Variants in LAMA5 observed in about 807,000 individuals in gnomAD.
LAMA5 encodes the protein laminin subunit alpha-5.
Under a neutral mutation model 433.4 loss-of-function variants are expected in LAMA5, and 260 were observed. The observed-to-expected ratio is 0.60, with a 90% CI of 0.54 to 0.66. The LOEUF is 0.66. Among genes scored for constraint, LAMA5 ranks in the 30% least tolerant of loss-of-function variants. The probability of loss-of-function intolerance (pLI) is 0.00; values close to 1 mark genes in which losing one functional copy is unlikely to be tolerated. For synonymous variants in LAMA5, 2,620 were observed against 2,226.6 expected, an observed-to-expected ratio of 1.18 and a Z score of -4.97; for missense variants, 5,378 against 5,258.5, an observed-to-expected ratio of 1.02 and a Z score of -0.70.
intron 48 of LAMA5, 57 bp downstream of exon 48, chr20:62,321,962 G>A (rs1987863015): frequency 6.5e-7 from 1 of 1,534,736 alleles, no homozygotes; most frequent in East Asian, 2.2e-5. Flanking sequence ...ACCAGGCTGT[G>A]TGGGACTTGG....
At position 62,318,887 on chromosome 20, in the gene LAMA5, G is replaced by A. The variant is rs1175831112; in HGVS notation, c.6998C>T (p.Ala2333Val). Residue 2333 changes from alanine to valine, a missense_variant, in exon 52 of 80, where the codon GCC becomes GTC. Transcript: ENST00000252999. ...LWEMRARDLGAPQAAAEAELA... is the reference protein window; with the variant it reads ...LWEMRARDLGVPQAAAEAELA... ...CTCAGCCTCAGCTGCTGCCTGCGGG[G>A]CCCCCAGGTCCCGGGCCCGCATCTC... is the stretch of plus-strand genomic sequence containing the variant. 1 of 1,608,166 alleles carries A rather than the reference G, an allele frequency of 6.2e-7. No homozygotes were observed. The highest frequency in any genetic ancestry group is 8.5e-7 in the Non-Finnish European group (1 of 1,178,888).
intron 2 of LAMA5, among the ~76,000 whole-genome samples, chr20:62,360,869 G>C (rs139314937): frequency 6.6e-5 from 10 of 152,078 alleles, no homozygotes; most frequent in Non-Finnish European, 1.2e-4. Context: ...CACCGAGGCC[G>C]AGAGAGCCCC....
chr20:62,345,540 C>A (rs745877374), intron 11 of LAMA5: 2 of 574,276 alleles, frequency 3.5e-6, no homozygotes, highest in Non-Finnish European at 6.5e-6. Context: ...CGGAGTAGCT[C>A]GAACTACAGG....
intron 57 of LAMA5, 100 bp downstream of exon 57, chr20:62,316,571 A>T (rs1296615768): frequency 2.3e-6 from 2 of 874,966 alleles, no homozygotes; most frequent in Admixed American, 6.0e-5. Context: ...TGCTGCGGTG[A>T]CCCACAAACC....
intron 70 of LAMA5, 32 bp from the exon 71 acceptor site, chr20:62,311,816 T>TTGGGCC: frequency 1.3e-4 from 194 of 1,519,966 alleles, no homozygotes; most frequent in Non-Finnish European, 1.6e-4. Context: ...GCTCGGTTTT[T>TTGGGCC]CCCCACCCTG....
At chr20:62,312,593 C>T in intron 67 of LAMA5, 39 bp downstream of exon 67, 1 of 1,600,190 alleles carries the variant, frequency 6.2e-7, no homozygotes, top group Non-Finnish European at 8.5e-7. Flanking sequence ...ACCGCCCCAA[C>T]AGCCTGGCCT....
At chr20:62,329,403 T>C in intron 32 of LAMA5, 150 bp from the exon 33 acceptor site, 1 of 638,730 alleles carries the variant, frequency 1.6e-6, no homozygotes, top group African/African-American at 1.8e-5. Context: ...GGGCCCTGGC[T>C]GCTCAGGGGA....
chr20:62,310,343 G>C (rs376799524), intron 76 of LAMA5, 32 bp from the exon 77 acceptor site: 5 of 1,577,182 alleles, frequency 3.2e-6, no homozygotes, highest in African/African-American at 1.3e-5. Context: ...GAGAAGAAAG[G>C]GGGGGCCCCT....
At position 62,314,700 on chromosome 20, in the gene LAMA5, C is replaced by T; in HGVS notation, c.8222G>A (p.Gly2741Glu). The change falls in exon 61 of 80, where the codon GGG becomes GAG. Residue 2741 changes from glycine to glutamate, a missense_variant. Transcript: ENST00000252999. ...GGTGCGCAGCTGCACCCCTGAGCGC[C>T]CGTTGAACTTCATGGGCACCTTGAC... ...SKVKVPMKFNGRSGVQLRTPR... is the reference protein window; with the variant it reads ...SKVKVPMKFNERSGVQLRTPR... The T allele has an allele frequency of 6.2e-7, 1 of 1,612,696 alleles. No homozygotes were observed. The highest frequency in any genetic ancestry group is 8.5e-7 in the Non-Finnish European group (1 of 1,179,864).
intron 2 of LAMA5, among the ~76,000 whole-genome samples, chr20:62,357,615 G>A (rs1985438857): frequency 6.6e-6 from 1 of 152,212 alleles, no homozygotes; most frequent in Admixed American, 6.5e-5. Flanking sequence ...CTCTCCCAGA[G>A]GGACGTGGAG....
Position 62,309,326 on chromosome 20 carries a change from T to G in LAMA5, c.*10A>C. 1 of 1,591,350 alleles carries G rather than the reference T, an allele frequency of 6.3e-7. No homozygotes were observed. The highest frequency in any genetic ancestry group is 8.5e-7 in the Non-Finnish European group (1 of 1,177,138). ...CAGGGGCCTGACCAGGGGCCGGGGT[T>G]GGCTGTGTCCTAGGCGGCTGGGCAG... is the stretch of plus-strand genomic sequence containing the variant. On this transcript the variant is annotated 3_prime_UTR_variant, in exon 80 of 80. Coordinates refer to ENST00000252999, the MANE Select transcript of LAMA5 (RefSeq NM_005560.6).
rs1986021777 is a variant in LAMA5, at chr20:62,309,897, A to G, written c.10829-62T>C. 14 of 1,606,424 alleles carry G rather than the reference A, an allele frequency of 8.7e-6. No individual in the cohort carries two copies. In the South Asian group the frequency reaches 1.5e-4, roughly 18 times the overall value. The stretch of plus-strand genomic sequence containing the variant: ...TCAGCCCAGCCTCTCTCCAGCCCCA[A>G]AAGAAGCCACCCCACCCAGAGTCCC... On this transcript the variant is annotated intron_variant, in intron 78 of 79. Transcript: ENST00000252999.
intron 6 of LAMA5, among the ~76,000 whole-genome samples, chr20:62,348,320 A>G (rs542144946): frequency 8.1e-4 from 123 of 152,352 alleles, no homozygotes; most frequent in African/African-American, 2.9e-3. Context: ...AATCTAAAAC[A>G]TAGGCCGGGC....
In LAMA5 at chr20:62,334,003, C is replaced by T. The variant is rs540247856; in HGVS notation, c.2776G>A (p.Asp926Asn). Reference protein sequence around the residue: ...IVARLNLTSPDLFWLVFRYVN... With the variant: ...IVARLNLTSPNLFWLVFRYVN... Reference sequence around the variant, plus strand: ...TATCGGAAGACGAGCCAGAAAAGGTCAGGGGAGGTCAGGTTCAGCCTGGCC... The same window carrying T: ...TATCGGAAGACGAGCCAGAAAAGGTTAGGGGAGGTCAGGTTCAGCCTGGCC... Residue 926 changes from aspartate (D) to asparagine (N), a missense_variant, in exon 23 of 80, where the codon GAC (aspartate) becomes AAC (asparagine). Asp to Asn is a conservative substitution (Grantham distance 23). Transcript: ENST00000252999. 1.2e-5 allele frequency: 20 copies of T among 1,612,970 alleles called. No individual in the cohort carries two copies. The highest frequency in any genetic ancestry group is 8.9e-5 in the East Asian group (4 of 44,882).
chr20:62,341,131 T>C (rs6089737), intron 11 of LAMA5, among the ~76,000 whole-genome samples: 2,460 of 151,422 alleles, frequency 0.016, 32 homozygotes, highest in Middle Eastern at 0.024. Context: ...AAAGAAAATC[T>C]CAAATTCCAA....
intron 24 of LAMA5, 35 bp from the exon 25 acceptor site, chr20:62,333,516 C>T (rs763735536): frequency 1.3e-6 from 2 of 1,592,000 alleles, no homozygotes; most frequent in South Asian, 1.1e-5. Flanking sequence ...AGTGGTGGGC[C>T]CCACCCCCTG....
chr20:62,329,659 G>T, intron 32 of LAMA5, 118 bp downstream of exon 32: 1 of 1,306,650 alleles, frequency 7.7e-7, no homozygotes, highest in Non-Finnish European at 1.1e-6. Flanking sequence ...TGCTTTGCTG[G>T]GCACAAGGCC....
intron 25 of LAMA5, 56 bp from the exon 26 acceptor site, chr20:62,333,299 C>T: frequency 1.9e-6 from 3 of 1,587,942 alleles, no homozygotes; most frequent in Non-Finnish European, 2.6e-6. Flanking sequence ...CCAGAGACAG[C>T]CTGAGTGGGG....
chr20:62,321,608 A>T (rs1421607272), intron 48 of LAMA5, among the ~76,000 whole-genome samples: 4 of 66,684 alleles, frequency 6.0e-5, no homozygotes, highest in African/African-American at 1.2e-4. Flanking sequence ...AGGTGGGGTC[A>T]GTGAAGGGGT....
Sources: allele counts gnomAD v4.1 joint callset (sites outside exome capture counted in the v4.1 genomes callset), GRCh38; gene constraint gnomAD v4.1.1; transcripts MANE v1.5; gene names NCBI Gene and HGNC (gene_info 2026-07-23, HGNC 2026-07-21).